BNIP2: variants seen among roughly 807,000 people sequenced by gnomAD.
BNIP2 encodes BCL2/adenovirus E1B 19 kDa protein-interacting protein 2.
In BNIP2, 36 loss-of-function variants were observed where a neutral mutation model predicts 43.4. That is an observed-to-expected ratio of 0.83 (90% CI 0.64 to 1.10). The LOEUF is 1.10. Among genes scored for constraint, BNIP2 ranks in the 50% least tolerant of loss-of-function variants. The pLI is 0.00. For missense variants in BNIP2, 417 were observed against 374.1 expected, an observed-to-expected ratio of 1.11 and a Z score of -0.95; for synonymous variants, 146 against 121.0, an observed-to-expected ratio of 1.21 and a Z score of -1.35.
chr15:59,677,884 A>G (rs1406968925), intron 5 of BNIP2, 27 bp downstream of exon 5: 2 of 1,579,164 alleles, frequency 1.3e-6, no homozygotes, highest in African/African-American at 1.4e-5. Context: ...GCATTAAACA[A>G]TCTGAAAAAT....
rs960247933 is a variant in BNIP2, at chr15:59,659,832, T to C, written c.*4237A>G. On this transcript the variant is annotated 3_prime_UTR_variant, in exon 10 of 10. Transcript: ENST00000607373. ...TGTGAATTTTTCATAGCATTTTACT[T>C]AGTTCTCAAAACATAAATAGGTCTA... 1.2e-4 allele frequency: 19 copies of C among 152,236 alleles called. No homozygotes were observed. Among genetic ancestry groups the C allele is most frequent in the African/African-American group, 4.3e-4 (18 of 41,446 alleles). 9.4% of individuals were successfully genotyped at this position (152,236 alleles called of 1,614,324 possible). A position where few individuals can be genotyped will look rare whatever the true frequency, so the allele number is the denominator to read the frequency against.
chr15:59,675,302 G>C (rs1893206795), intron 5 of BNIP2, among the ~76,000 whole-genome samples: 1 of 147,090 alleles, frequency 6.8e-6, no homozygotes, highest in Admixed American at 6.8e-5. Context: ...CAAATTAAGA[G>C]TTAAGGTTAA....
At chr15:59,672,457 A>C (rs1892994238) in intron 6 of BNIP2, among the ~76,000 whole-genome samples, 180 bp downstream of exon 6, 1 of 152,158 alleles carries the variant, frequency 6.6e-6, no homozygotes. Flanking sequence ...GATTTTGTAG[A>C]GAAAGAGCTT....
chr15:59,674,091 A>AG (rs1421801778), intron 5 of BNIP2, among the ~76,000 whole-genome samples: 1 of 59,570 alleles, frequency 1.7e-5, no homozygotes, highest in African/African-American at 5.3e-5. Context: ...CTTGGGTCTC[A>AG]AAAAAAAAAC....
At position 59,689,289 on chromosome 15, in the gene BNIP2, G is replaced by C. The variant is rs1487334045; in HGVS notation, c.-212C>G. 3.2e-6 allele frequency: 5 copies of C among 1,545,754 alleles called. No homozygotes were observed. The highest frequency in any genetic ancestry group is 1.7e-4 in the Middle Eastern group (1 of 5,954). On this transcript the variant is annotated 5_prime_UTR_variant, in exon 1 of 10. Coordinates refer to ENST00000607373, the MANE Select transcript of BNIP2 (RefSeq NM_004330.4). ...CCAATCCCCCGGCCGCAGCGGTACG[G>C]CGTCGGCGGCAGCAGCTGACCCGGA...
intron 9 of BNIP2, among the ~76,000 whole-genome samples, chr15:59,665,766 T>C (rs1892532806): frequency 1.3e-5 from 2 of 152,214 alleles, no homozygotes; most frequent in African/African-American, 4.8e-5. Flanking sequence ...TCTATTACTA[T>C]TACATTTGTA....
At chr15:59,679,389 C>A in intron 4 of BNIP2, 2 of 440,336 alleles carry the variant, frequency 4.5e-6, no homozygotes, top group Non-Finnish European at 3.9e-6. Flanking sequence ...ATGAAAAAAA[C>A]ATGAGAGCAG....
At chr15:59,682,270 T>G in intron 2 of BNIP2, 138 bp downstream of exon 2, 2 of 615,854 alleles carry the variant, frequency 3.2e-6, no homozygotes, top group East Asian at 3.1e-5. Flanking sequence ...GAGGTTGCAG[T>G]GAGCTGAGAT....
At position 59,662,447 on chromosome 15, in the gene BNIP2, A is replaced by AG. The variant is rs1335349455; in HGVS notation, c.*1621dup. On this transcript the variant is annotated 3_prime_UTR_variant, in exon 10 of 10. Transcript: ENST00000607373. ...GATCTGCCAAGAGCTGCTGGATCTGAGTTAAGTCAGGAGGCTGCTGAGGAA... is the reference window on the plus strand; with the variant it reads ...GATCTGCCAAGAGCTGCTGGATCTGAGGTTAAGTCAGGAGGCTGCTGAGGAA... The AG allele has an allele frequency of 6.6e-6, 1 of 152,232 alleles. No individual in the cohort carries two copies. Among genetic ancestry groups the AG allele is most frequent in the African/African-American group, 2.4e-5 (1 of 41,464 alleles). The allele number at this position is 152,232 out of a possible 1,614,324, so 9.4% of individuals were successfully genotyped here. A position where few individuals can be genotyped will look rare whatever the true frequency, so the allele number is the denominator to read the frequency against.
chr15:59,679,440 T>C (rs898489410), intron 4 of BNIP2, 152 bp downstream of exon 4: 12 of 884,068 alleles, frequency 1.4e-5, no homozygotes, highest in East Asian at 5.8e-5. Context: ...GTGTACTCTA[T>C]ACACACTTTT....
intron 5 of BNIP2, among the ~76,000 whole-genome samples, chr15:59,675,107 G>C (rs932820830): frequency 1.3e-5 from 2 of 151,986 alleles, no homozygotes; most frequent in Non-Finnish European, 2.9e-5. Flanking sequence ...AAATTAGCCA[G>C]GCGTGGTGGC....
Position 59,676,927 on chromosome 15 carries a change from C to T in BNIP2, c.472+984G>A, listed in dbSNP as rs902632049. ...GGCTGGCAGCCTACGGACTCTTCAC[C>T]CTCTGCGAGAACAGCATGATCCTCT... On this transcript the variant is annotated intron_variant, in intron 5 of 9. Coordinates refer to ENST00000607373, the MANE Select transcript of BNIP2 (RefSeq NM_004330.4). 6.2e-6 allele frequency: 10 copies of T among 1,609,514 alleles called. No homozygotes were observed. The African/African-American group carries it at 1.3e-4, about 22-fold the overall frequency.
chr15:59,672,456 G>A (rs566284607), intron 6 of BNIP2, among the ~76,000 whole-genome samples, 181 bp downstream of exon 6: 38 of 152,256 alleles, frequency 2.5e-4, no homozygotes, highest in African/African-American at 9.1e-4. Context: ...TGATTTTGTA[G>A]AGAAAGAGCT....
At chr15:59,678,592 A>G (rs1893459865) in intron 4 of BNIP2, 3 of 1,122,062 alleles carry the variant, frequency 2.7e-6, no homozygotes, top group South Asian at 4.0e-5. Context: ...AAATGTATTT[A>G]TAATACTTTG....
At chr15:59,664,603 G>T (rs1178059766) in intron 9 of BNIP2, among the ~76,000 whole-genome samples, 1 of 151,804 alleles carries the variant, frequency 6.6e-6, no homozygotes, top group African/African-American at 2.4e-5. Flanking sequence ...GGATGGTCTC[G>T]ATCTCCTGAC....
At chr15:59,670,724 C>G (rs6151551) in intron 7 of BNIP2, among the ~76,000 whole-genome samples, 6 of 152,038 alleles carry the variant, frequency 3.9e-5, no homozygotes, top group African/African-American at 1.4e-4. Flanking sequence ...CTTTAGAAAA[C>G]AGAAACCTGC....
At position 59,677,489 on chromosome 15, in the gene BNIP2, A is replaced by G. The variant is rs566221734; in HGVS notation, c.472+422T>C. Among the ~76,000 whole-genome samples the G allele has an allele frequency of 2.0e-5, 3 of 152,334 alleles. No homozygotes were observed. In the East Asian group the frequency reaches 5.8e-4, roughly 29 times the overall value. ...CAGGTGACTGGAAATCTAACTCAGTATATTTCCACGTATTATAGTGTTTTC... is the reference window on the plus strand; with the variant it reads ...CAGGTGACTGGAAATCTAACTCAGTGTATTTCCACGTATTATAGTGTTTTC... On this transcript the variant is annotated intron_variant, in intron 5 of 9. Transcript: ENST00000607373.
chr15:59,682,613 G>T (rs978097368), intron 1 of BNIP2, 99 bp from the exon 2 acceptor site: 2 of 889,112 alleles, frequency 2.2e-6, no homozygotes, highest in Non-Finnish European at 3.2e-6. Context: ...TTGATGTTTA[G>T]TACAATGGTC....
At chr15:59,676,834 C>G in intron 5 of BNIP2, 3 of 1,554,060 alleles carry the variant, frequency 1.9e-6, no homozygotes, top group Non-Finnish European at 1.7e-6. Context: ...TCCCTTCCTG[C>G]CGGGAATTCT....
Sources: allele counts gnomAD v4.1 joint callset (sites outside exome capture counted in the v4.1 genomes callset), GRCh38; gene constraint gnomAD v4.1.1; transcripts MANE v1.5; gene names NCBI Gene and HGNC (gene_info 2026-07-23, HGNC 2026-07-21).